BNC2: variants seen among roughly 807,000 people sequenced by gnomAD.
BNC2 encodes zinc finger protein basonuclin-2.
In BNC2, 20 loss-of-function variants were observed where a neutral mutation model predicts 76.3. That is an observed-to-expected ratio of 0.26 (90% CI 0.18 to 0.38). The LOEUF is 0.38. Among genes scored for constraint, BNC2 ranks in the 10% least tolerant of loss-of-function variants. The pLI is 1.00. For synonymous variants in BNC2, 582 were observed against 514.8 expected, an observed-to-expected ratio of 1.13 and a Z score of -1.77; for missense variants, 1,382 against 1,399.8, an observed-to-expected ratio of 0.99 and a Z score of 0.20.
intron 6 of BNC2, chr9:16,421,183 G>T (rs1051908821): frequency 1.0e-6 from 1 of 972,784 alleles, no homozygotes; most frequent in Non-Finnish European, 1.4e-6. Context: ...TTCCACACAA[G>T]ACAATATACA....
chr9:16,609,362 A>G (rs1472816075), intron 3 of BNC2, among the ~76,000 whole-genome samples: 2 of 152,188 alleles, frequency 1.3e-5, no homozygotes, highest in Non-Finnish European at 2.9e-5. Context: ...GTGTTATGAT[A>G]TGAAGAGAAG....
chr9:16,608,110 G>C (rs144847933), intron 3 of BNC2, among the ~76,000 whole-genome samples: 1 of 152,152 alleles, frequency 6.6e-6, no homozygotes, highest in African/African-American at 2.4e-5. Context: ...TAGAAAGCTT[G>C]TGATTAACTA....
intron 5 of BNC2, among the ~76,000 whole-genome samples, chr9:16,551,346 GGT>G (rs546095140): frequency 1.1e-3 from 164 of 152,288 alleles, no homozygotes; most frequent in African/African-American, 3.9e-3. Context: ...AACAGCTGGA[GGT>G]ACCACACAGG....
chr9:16,591,037 T>C (rs911766838), intron 3 of BNC2, among the ~76,000 whole-genome samples: 1 of 152,158 alleles, frequency 6.6e-6, no homozygotes, highest in Non-Finnish European at 1.5e-5. Context: ...AAGACAGTAC[T>C]TCAAACATTG....
intron 4 of BNC2, among the ~76,000 whole-genome samples, chr9:16,571,162 A>G (rs906631301): frequency 6.6e-6 from 1 of 152,176 alleles, no homozygotes; most frequent in African/African-American, 2.4e-5. Context: ...GTGATCTCCT[A>G]ATTTACAGCT....
At chr9:16,864,426 T>C (rs1819488756) in intron 1 of BNC2, among the ~76,000 whole-genome samples, 1 of 152,204 alleles carries the variant, frequency 6.6e-6, no homozygotes, top group Non-Finnish European at 1.5e-5. Flanking sequence ...AGACTTTCCA[T>C]TGCTGTCAAA....
intron 4 of BNC2, among the ~76,000 whole-genome samples, chr9:16,569,003 G>GT (rs373012680): frequency 0.1 from 13,715 of 135,558 alleles, 871 homozygotes; most frequent in African/African-American, 0.19. Flanking sequence ...TGCTTCTAGA[G>GT]TTTTTTTTTT....
chr9:16,433,454 C>G (rs999032017), intron 6 of BNC2, among the ~76,000 whole-genome samples: 1 of 152,162 alleles, frequency 6.6e-6, no homozygotes, highest in Admixed American at 6.5e-5. Context: ...CATCTGTACT[C>G]TTCTTCCCAC....
At chr9:16,535,473 C>T (rs1818102026) in intron 5 of BNC2, among the ~76,000 whole-genome samples, 1 of 152,118 alleles carries the variant, frequency 6.6e-6, no homozygotes, top group Admixed American at 6.6e-5. Context: ...AACCTATGAG[C>T]ACCTTTTTTT....
chr9:16,468,039 T>C (rs886722729), intron 5 of BNC2, among the ~76,000 whole-genome samples: 1 of 142,478 alleles, frequency 7.0e-6, no homozygotes, highest in African/African-American at 2.8e-5. Flanking sequence ...TCTTTCTTTC[T>C]CTTTTTTTTT....
At chr9:16,702,197 G>A (rs948545439) in intron 3 of BNC2, among the ~76,000 whole-genome samples, 6 of 152,182 alleles carry the variant, frequency 3.9e-5, no homozygotes, top group East Asian at 1.9e-4. Flanking sequence ...GTAAACACTC[G>A]AAGCTTTAGT....
At chr9:16,524,024 A>C (rs1160454431) in intron 5 of BNC2, among the ~76,000 whole-genome samples, 1 of 152,198 alleles carries the variant, frequency 6.6e-6, no homozygotes, top group Non-Finnish European at 1.5e-5. Context: ...AAAAAACAAA[A>C]CACCACCATA....
At chr9:16,707,562 C>G (rs1823716143) in intron 3 of BNC2, among the ~76,000 whole-genome samples, 3 of 152,130 alleles carry the variant, frequency 2.0e-5, no homozygotes, top group Admixed American at 2.0e-4. Context: ...CTCTGAAGAC[C>G]TCTGGAACTC....
At chr9:16,487,881 G>T (rs922269982) in intron 5 of BNC2, among the ~76,000 whole-genome samples, 1 of 152,172 alleles carries the variant, frequency 6.6e-6, no homozygotes, top group Non-Finnish European at 1.5e-5. Flanking sequence ...AGCAACCCAT[G>T]AGGAAGCCAC....
At position 16,809,904 on chromosome 9, in the gene BNC2, ATTGTAT is replaced by A. The variant is rs1354712187; in HGVS notation, c.3+60736_3+60741del. Among the ~76,000 whole-genome samples, 2 of 152,232 alleles carry A rather than the reference ATTGTAT, an allele frequency of 1.3e-5. 1 individual carries two copies. Among genetic ancestry groups the A allele is most frequent in the Non-Finnish European group, 2.9e-5 (2 of 68,038 alleles). ...GGCTGAATAAGAATGTATTATTTAA[ATTGTAT>A]AAAAAGATGCTTCATCTTTCCTAAT... On this transcript the variant is annotated intron_variant, in intron 1 of 6. Transcript: ENST00000380672.
At chr9:16,635,483 A>AT (rs1821296419) in intron 3 of BNC2, among the ~76,000 whole-genome samples, 1 of 152,130 alleles carries the variant, frequency 6.6e-6, no homozygotes, top group African/African-American at 2.4e-5. Flanking sequence ...AACAGCAAGT[A>AT]TTTTTTCATT....
chr9:16,415,545 C>G lies in BNC2; in HGVS notation c.*3444G>C, dbSNP rs1026444543. 1.3e-5 allele frequency: 2 copies of G among 152,364 alleles called. No homozygotes were observed. Among genetic ancestry groups the G allele is most frequent in the Non-Finnish European group, 2.9e-5 (2 of 68,026 alleles). 9.4% of individuals were successfully genotyped at this position (152,364 alleles called of 1,614,324 possible). On this transcript the variant is annotated 3_prime_UTR_variant, in exon 7 of 7. Transcript: ENST00000380672. ...AGAAACTGTTTAACAACAAAAAACT[C>G]CTATGAAAAAGCAAATGAGTAGGAA...
chr9:16,581,430 T>C (rs956313554), intron 4 of BNC2, among the ~76,000 whole-genome samples: 2 of 152,140 alleles, frequency 1.3e-5, no homozygotes, highest in Non-Finnish European at 2.9e-5. Flanking sequence ...TGGTGGCGCA[T>C]GCCTGTAATC....
intron 5 of BNC2, among the ~76,000 whole-genome samples, chr9:16,479,949 G>T (rs1373887649): frequency 1.3e-5 from 2 of 152,080 alleles, no homozygotes; most frequent in African/African-American, 4.8e-5. Context: ...GCTACTTGTG[G>T]TCCCCCATGA....
Sources: gnomAD v4.1 joint callset for allele counts (sites outside exome capture counted in the v4.1 genomes callset) on GRCh38, gnomAD v4.1.1 for gene constraint, MANE v1.5 for transcripts, NCBI Gene and HGNC (gene_info 2026-07-23, HGNC 2026-07-21) for gene names.